The following LRRTM4 variants were observed in gnomAD, a reference collection of about 807,000 sequenced individuals.
LRRTM4 encodes the protein leucine-rich repeat transmembrane neuronal protein 4.
Under a neutral mutation model 47.6 loss-of-function variants are expected in LRRTM4, and 25 were observed. The ratio of observed to expected loss-of-function variants is 0.53; its 90% CI spans 0.38 to 0.73. The LOEUF (loss-of-function observed/expected upper bound fraction) is 0.73. Ranked by LOEUF, LRRTM4 falls within the 30% of genes least tolerant of loss-of-function variation. The pLI is 0.00. For synonymous variants in LRRTM4, 311 were observed against 269.5 expected, an observed-to-expected ratio of 1.15 and a Z score of -1.51; for missense variants, 638 against 713.4, an observed-to-expected ratio of 0.89 and a Z score of 1.20.
At chr2:77,222,102 G>A (rs1364993629) in intron 3 of LRRTM4, among the ~76,000 whole-genome samples, 1 of 152,128 alleles carries the variant, frequency 6.6e-6, no homozygotes, top group African/African-American at 2.4e-5. Context: ...GCTCCTGAAT[G>A]ACTACTGGGT....
intron 3 of LRRTM4, among the ~76,000 whole-genome samples, chr2:76,926,145 T>C (rs1674582722): frequency 6.6e-6 from 1 of 152,198 alleles, no homozygotes; most frequent in Admixed American, 6.5e-5. Flanking sequence ...TGTCTCCTTC[T>C]TTTGGATTGT....
intron 3 of LRRTM4, among the ~76,000 whole-genome samples, chr2:76,848,714 A>G (rs1428929197): frequency 2.0e-5 from 3 of 152,146 alleles, no homozygotes; most frequent in Non-Finnish European, 4.4e-5. Flanking sequence ...TAATGTGTGA[A>G]TGTTAAGAAG....
chr2:77,400,889 T>G (rs1452540297), intron 3 of LRRTM4, among the ~76,000 whole-genome samples: 3 of 151,928 alleles, frequency 2.0e-5, no homozygotes, highest in Non-Finnish European at 2.9e-5. Context: ...TAACATTTTG[T>G]AACGATTGGA....
At chr2:76,998,580 C>T (rs944985708) in intron 3 of LRRTM4, among the ~76,000 whole-genome samples, 1 of 152,076 alleles carries the variant, frequency 6.6e-6, no homozygotes, top group Non-Finnish European at 1.5e-5. Flanking sequence ...ACCCAGGAAT[C>T]TGCACATTTA....
intron 3 of LRRTM4, among the ~76,000 whole-genome samples, chr2:76,962,395 T>C (rs771110862): frequency 3.3e-5 from 5 of 151,098 alleles, no homozygotes; most frequent in Non-Finnish European, 5.9e-5. Context: ...CCTTTTCTCA[T>C]GCCTCAATTT....
intron 3 of LRRTM4, among the ~76,000 whole-genome samples, chr2:77,364,066 T>A (rs926573370): frequency 1.3e-5 from 2 of 151,938 alleles, no homozygotes; most frequent in African/African-American, 4.8e-5. Flanking sequence ...AAGGGAAATT[T>A]TCATTGAAAA....
chr2:77,338,593 C>G (rs1226403498), intron 3 of LRRTM4, among the ~76,000 whole-genome samples: 1 of 151,370 alleles, frequency 6.6e-6, no homozygotes, highest in African/African-American at 2.4e-5. Flanking sequence ...AACAAAAAAA[C>G]AGAAAACAGA....
intron 3 of LRRTM4, among the ~76,000 whole-genome samples, chr2:77,361,028 C>T (rs1051891598): frequency 2.0e-5 from 3 of 152,104 alleles, no homozygotes; most frequent in African/African-American, 7.2e-5. Context: ...TGACTGAATA[C>T]ATTAAAAAAA....
chr2:76,951,738 C>T, intron 3 of LRRTM4, among the ~76,000 whole-genome samples: 1 of 151,636 alleles, frequency 6.6e-6, no homozygotes, highest in Non-Finnish European at 1.5e-5. Flanking sequence ...TAGTTTTAAG[C>T]CCCGCATGCA....
intron 3 of LRRTM4, among the ~76,000 whole-genome samples, chr2:76,781,733 A>G (rs1277110760): frequency 6.7e-6 from 1 of 149,366 alleles, no homozygotes; most frequent in Non-Finnish European, 1.5e-5. Context: ...TCACGCTGGG[A>G]GCTATAGACC....
At chr2:77,509,231 CAAAA>C (rs3085637) in intron 3 of LRRTM4, among the ~76,000 whole-genome samples, 1 of 138,250 alleles carries the variant, frequency 7.2e-6, no homozygotes, top group African/African-American at 2.7e-5. Flanking sequence ...GACTCTGTAT[CAAAA>C]AAAAAAAAAA....
chr2:77,388,486 G>A (rs17014041), intron 3 of LRRTM4, among the ~76,000 whole-genome samples: 4,323 of 152,076 alleles, frequency 0.028, 217 homozygotes, highest in African/African-American at 0.099. Flanking sequence ...ACTTTACTGC[G>A]GCCATTAAAC....
chr2:77,001,042 G>A (rs979094066), intron 3 of LRRTM4, among the ~76,000 whole-genome samples: 1 of 152,108 alleles, frequency 6.6e-6, no homozygotes, highest in Non-Finnish European at 1.5e-5. Context: ...TTCTTCCTAA[G>A]CCCAAAGGAT....
intron 3 of LRRTM4, among the ~76,000 whole-genome samples, chr2:76,777,619 G>C (rs1288533933): frequency 1.3e-5 from 2 of 149,938 alleles, no homozygotes; most frequent in Non-Finnish European, 3.0e-5. Flanking sequence ...TGTATCCTGA[G>C]ACTTTGCTGA....
rs577528803 is a variant in LRRTM4 at position 77,321,557 on chromosome 2, G to T, written c.1551+196761C>A. Among the ~76,000 whole-genome samples, 117 of 111,308 alleles carry T rather than the reference G, an allele frequency of 1.1e-3. 1 individual carries two copies. Among genetic ancestry groups the T allele is most frequent in the African/African-American group, 4.1e-3 (99 of 24,160 alleles). 73.0% of individuals were successfully genotyped at this position (111,308 alleles called of 152,430 possible). A position where few individuals can be genotyped will look rare whatever the true frequency, so the allele number is the denominator to read the frequency against. On this transcript the variant is annotated intron_variant, in intron 3 of 3. Transcript: ENST00000409884. ...AAGTGTTGGCTAAATCGGGGAGGGGGGGGGGTGTGTGAAAGAAAAGAAAAG... is the reference window on the plus strand; with the variant it reads ...AAGTGTTGGCTAAATCGGGGAGGGGTGGGGGTGTGTGAAAGAAAAGAAAAG...
chr2:76,763,685 C>T lies in LRRTM4; in HGVS notation c.1552-14769G>A, dbSNP rs570443114. Among the ~76,000 whole-genome samples, 56 of 152,240 alleles carry T rather than the reference C, an allele frequency of 3.7e-4. No homozygotes were observed. In the South Asian group the frequency reaches 8.3e-3, roughly 23 times the overall value. On this transcript the variant is annotated intron_variant, in intron 3 of 3. Coordinates refer to ENST00000409884, the MANE Select transcript of LRRTM4 (RefSeq NM_001134745.3). ...TAAAAATGTAGGCATGGTTTTGGAT[C>T]TGGGTCATGGGTAGAGGCCAGAAGA...
chr2:76,903,573 A>G (rs1431405105), intron 3 of LRRTM4, among the ~76,000 whole-genome samples: 1 of 152,114 alleles, frequency 6.6e-6, no homozygotes, highest in African/African-American at 2.4e-5. Context: ...CAAACAAAAC[A>G]ACAACAACAA....
intron 3 of LRRTM4, among the ~76,000 whole-genome samples, chr2:77,280,022 T>C (rs924676478): frequency 6.6e-6 from 1 of 152,054 alleles, no homozygotes; most frequent in Non-Finnish European, 1.5e-5. Flanking sequence ...CTAGTCTGCA[T>C]GGCAAAGGAT....
At chr2:77,220,405 T>G (rs1192936456) in intron 3 of LRRTM4, among the ~76,000 whole-genome samples, 1 of 151,978 alleles carries the variant, frequency 6.6e-6, no homozygotes, top group Non-Finnish European at 1.5e-5. Flanking sequence ...ATCAAACTAC[T>G]CCGAGCTAAA....
Sources: allele counts gnomAD v4.1 joint callset (sites outside exome capture counted in the v4.1 genomes callset), GRCh38; gene constraint gnomAD v4.1.1; transcripts MANE v1.5; gene names NCBI Gene and HGNC (gene_info 2026-07-23, HGNC 2026-07-21).